Variants in NR3C1 observed in about 807,000 individuals in gnomAD.
NR3C1 encodes the protein nuclear receptor subfamily 3 group C member 1.
Under a neutral mutation model 74.0 loss-of-function variants are expected in NR3C1, and 14 were observed. The ratio of observed to expected loss-of-function variants is 0.19; its 90% CI spans 0.12 to 0.30. NR3C1 has a LOEUF of 0.30. Ranked by LOEUF, NR3C1 falls within the 10% of genes least tolerant of loss-of-function variation. The pLI is 1.00. For synonymous variants in NR3C1, 308 were observed against 332.5 expected (o/e 0.93, Z 0.80); for missense variants, 695 against 909.8 (o/e 0.76, Z 3.04).
rs115377707 is a variant in NR3C1 at position 143,402,147 on chromosome 5, C to G, written c.-14+1064G>C. Reference sequence around the variant, plus strand: ...TGAGGGTAAACTGCTTATCTCCCCACCTCTCTGCCCCGTTTATCTGAGGCG... The same window carrying G: ...TGAGGGTAAACTGCTTATCTCCCCAGCTCTCTGCCCCGTTTATCTGAGGCG... On this transcript the variant is annotated intron_variant, in intron 1 of 8. Coordinates refer to ENST00000394464, the MANE Select transcript of NR3C1 (RefSeq NM_000176.3). 5.4e-3 allele frequency among the ~76,000 whole-genome samples: 819 copies of G among 152,292 alleles called. 7 individuals carry two copies. The highest frequency in any genetic ancestry group is 0.018 in the African/African-American group (757 of 41,540).
At chr5:143,403,907 C>G (rs937884425), upstream of NR3C1, 1 of 982,944 alleles carries the variant, frequency 1.0e-6, no homozygotes, top group African/African-American at 1.8e-5. Context: ...CGTGGCCGCC[C>G]CGCCCGGTGC....
intron 2 of NR3C1, among the ~76,000 whole-genome samples, chr5:143,325,037 C>A (rs898104198): frequency 3.9e-5 from 6 of 152,234 alleles, no homozygotes; most frequent in African/African-American, 1.2e-4. Flanking sequence ...AACTTTCCCA[C>A]ATTTTCCCGT....
At chr5:143,366,581 A>G (rs1354567605) in intron 2 of NR3C1, among the ~76,000 whole-genome samples, 3 of 152,132 alleles carry the variant, frequency 2.0e-5, no homozygotes, top group African/African-American at 7.2e-5. Flanking sequence ...CCAAGAAAAA[A>G]AAGGAGAGAA....
chr5:143,361,164 C>T (rs1173830567), intron 2 of NR3C1, among the ~76,000 whole-genome samples: 1 of 152,142 alleles, frequency 6.6e-6, no homozygotes, highest in Non-Finnish European at 1.5e-5. Context: ...ATTAAGCTAG[C>T]TTATTCAGTA....
intron 2 of NR3C1, among the ~76,000 whole-genome samples, chr5:143,369,022 C>T (rs1373161210): frequency 6.6e-6 from 1 of 152,110 alleles, no homozygotes; most frequent in Non-Finnish European, 1.5e-5. Flanking sequence ...CCCATTAGTA[C>T]ATTAACTCAT....
At chr5:143,407,071 G>A (rs565941593), upstream of NR3C1, 5 of 152,336 alleles carry the variant, frequency 3.3e-5, no homozygotes, top group African/African-American at 1.2e-4. Flanking sequence ...ATCCCTATCT[G>A]AGTGGGAAGG....
intron 2 of NR3C1, among the ~76,000 whole-genome samples, chr5:143,329,214 G>T (rs1436553993): frequency 6.6e-6 from 1 of 152,184 alleles, no homozygotes; most frequent in Non-Finnish European, 1.5e-5. Context: ...CATGGTGGCA[G>T]GAGAGAGAGA....
chr5:143,325,396 A>G (rs1824365744), intron 2 of NR3C1, among the ~76,000 whole-genome samples: 2 of 152,326 alleles, frequency 1.3e-5, no homozygotes, highest in Admixed American at 6.5e-5. Flanking sequence ...CTGTGATTCA[A>G]TTAGCTCCCC....
At chr5:143,325,829 T>C (rs1824480233) in intron 2 of NR3C1, among the ~76,000 whole-genome samples, 1 of 152,166 alleles carries the variant, frequency 6.6e-6, no homozygotes, top group Admixed American at 6.5e-5. Flanking sequence ...AAAACATTGG[T>C]AACCTTACCC....
At chr5:143,356,787 C>T (rs1471750205) in intron 2 of NR3C1, among the ~76,000 whole-genome samples, 2 of 151,942 alleles carry the variant, frequency 1.3e-5, no homozygotes, top group Non-Finnish European at 2.9e-5. Context: ...AAGCTCAGTG[C>T]TAATGATCAT....
At chr5:143,322,164 A>G (rs917164652) in intron 2 of NR3C1, among the ~76,000 whole-genome samples, 2 of 152,190 alleles carry the variant, frequency 1.3e-5, no homozygotes, top group African/African-American at 4.8e-5. Context: ...CCACAGACCT[A>G]AGAGGTGGGT....
At chr5:143,409,428 A>C (rs1054792060) in intron 1 of NR3C1, among the ~76,000 whole-genome samples, 8 of 152,172 alleles carry the variant, frequency 5.3e-5, no homozygotes, top group African/African-American at 1.9e-4. Context: ...TGTGATGTTA[A>C]ATATAAATGG....
chr5:143,345,305 G>A (rs1265644458), intron 2 of NR3C1, among the ~76,000 whole-genome samples: 1 of 152,192 alleles, frequency 6.6e-6, no homozygotes, highest in East Asian at 1.9e-4. Flanking sequence ...CACCTCCCAG[G>A]TTCAAGCAAT....
At chr5:143,287,486 A>AATAGATCT (rs1814765881) in intron 7 of NR3C1, among the ~76,000 whole-genome samples, 1 of 152,172 alleles carries the variant, frequency 6.6e-6, no homozygotes, top group Admixed American at 6.5e-5. Flanking sequence ...ATAAATTCTG[A>AATAGATCT]ATAGATCTAT....
At chr5:143,421,163 C>T (rs1311045262) in intron 1 of NR3C1, among the ~76,000 whole-genome samples, 1 of 152,106 alleles carries the variant, frequency 6.6e-6, no homozygotes, top group African/African-American at 2.4e-5. Context: ...ATACAAATGG[C>T]TAGCTACCAA....
At chr5:143,306,114 C>A (rs1396475294) in intron 4 of NR3C1, among the ~76,000 whole-genome samples, 2 of 151,742 alleles carry the variant, frequency 1.3e-5, no homozygotes, top group Non-Finnish European at 2.9e-5. Context: ...TAAAAAAAAA[C>A]ATTTAGGATC....
chr5:143,432,226 A>G (rs1443501912), intron 1 of NR3C1, among the ~76,000 whole-genome samples: 1 of 152,254 alleles, frequency 6.6e-6, no homozygotes, highest in Admixed American at 6.5e-5. Flanking sequence ...ACACTGGACC[A>G]GTGATCTGGA....
upstream of NR3C1, chr5:143,405,239 A>G: frequency 1.0e-6 from 1 of 985,800 alleles, no homozygotes; most frequent in Non-Finnish European, 1.2e-6. Context: ...TTGCGCCCCC[A>G]CAGGTGACAT....
chr5:143,336,382 A>G (rs748797916), intron 2 of NR3C1, among the ~76,000 whole-genome samples: 1 of 152,180 alleles, frequency 6.6e-6, no homozygotes, highest in Non-Finnish European at 1.5e-5. Flanking sequence ...AAGAATAAAG[A>G]GAAGAGACAA....
Sources: gnomAD v4.1 joint callset for allele counts (sites outside exome capture counted in the v4.1 genomes callset) on GRCh38, gnomAD v4.1.1 for gene constraint, MANE v1.5 for transcripts, NCBI Gene and HGNC (gene_info 2026-07-23, HGNC 2026-07-21) for gene names.